Variants in SPOCK3 observed in about 807,000 individuals in gnomAD.
SPOCK3 encodes the protein testican-3.
SPOCK3 carries 30 observed loss-of-function variants against 56.6 expected under a neutral mutation model. The observed-to-expected ratio is 0.53, with a 90% CI of 0.40 to 0.72. The LOEUF (loss-of-function observed/expected upper bound fraction) is 0.72. Among genes scored for constraint, SPOCK3 ranks in the 30% least tolerant of loss-of-function variants. SPOCK3 has a pLI of 0.00. For missense variants in SPOCK3, 527 were observed against 530.0 expected, an observed-to-expected ratio of 0.99 and a Z score of 0.06; for synonymous variants, 196 against 183.3, an observed-to-expected ratio of 1.07 and a Z score of -0.56.
At position 166,983,339 on chromosome 4, in the gene SPOCK3, C is replaced by G. The variant is rs375062205; in HGVS notation, c.350+17010G>C. 9.9e-5 allele frequency among the ~76,000 whole-genome samples: 15 copies of G among 152,104 alleles called. No individual in the cohort carries two copies. In the South Asian group the frequency reaches 3.1e-3, roughly 32 times the overall value. ...AAATGAATATTATCTTCACTCCTCC[C>G]AATCTTTTCAGACTTTAATAGTCAC... On this transcript the variant is annotated intron_variant, in intron 4 of 10. Transcript: ENST00000357545.
chr4:167,142,468 A>C lies in SPOCK3; in HGVS notation c.190-79931T>G, dbSNP rs548966526. On this transcript the variant is annotated intron_variant, in intron 2 of 10. Coordinates refer to ENST00000357545, the MANE Select transcript of SPOCK3 (RefSeq NM_001040159.2). ...CGAGAAAAAAAAATCCATCAATATAAATAAGCAAATGAAATATAATATACT... is the reference window on the plus strand; with the variant it reads ...CGAGAAAAAAAAATCCATCAATATACATAAGCAAATGAAATATAATATACT... 2.6e-3 allele frequency among the ~76,000 whole-genome samples: 395 copies of C among 152,124 alleles called. 3 individuals are homozygous for C. Among genetic ancestry groups the C allele is most frequent in the Non-Finnish European group, 1.6e-3 (106 of 67,956 alleles).
At chr4:166,919,812 C>T (rs115444815) in intron 4 of SPOCK3, among the ~76,000 whole-genome samples, 1,691 of 152,228 alleles carry the variant, frequency 0.011, 30 homozygotes, top group African/African-American at 0.038. Flanking sequence ...TTAATTACCT[C>T]ATTAAAAGCT....
At chr4:166,885,927 A>C (rs1218730894) in intron 6 of SPOCK3, among the ~76,000 whole-genome samples, 2 of 152,168 alleles carry the variant, frequency 1.3e-5, no homozygotes, top group Non-Finnish European at 2.9e-5. Flanking sequence ...TAGATGTGTC[A>C]TATGTCTAAA....
chr4:166,812,320 C>G (rs1743919078), intron 6 of SPOCK3, among the ~76,000 whole-genome samples: 3 of 151,778 alleles, frequency 2.0e-5, no homozygotes, highest in Admixed American at 6.6e-5. Context: ...AATATTCTAA[C>G]AAATGCTGTT....
chr4:167,098,992 A>G (rs1469296637), intron 2 of SPOCK3, among the ~76,000 whole-genome samples: 1 of 151,942 alleles, frequency 6.6e-6, no homozygotes, highest in Non-Finnish European at 1.5e-5. Context: ...GAATTTATGC[A>G]CCTAGAAGGA....
At chr4:166,925,241 G>C (rs1192063018) in intron 4 of SPOCK3, among the ~76,000 whole-genome samples, 1 of 151,982 alleles carries the variant, frequency 6.6e-6, no homozygotes, top group African/African-American at 2.4e-5. Context: ...TTACATTTTT[G>C]ATTATTTACC....
intron 2 of SPOCK3, among the ~76,000 whole-genome samples, chr4:167,177,114 C>T (rs368597505): frequency 8.5e-5 from 13 of 152,074 alleles, no homozygotes; most frequent in East Asian, 1.9e-4. Flanking sequence ...AATTATTTGA[C>T]GAGGAACTAG....
chr4:167,003,402 CT>C (rs1749143606), intron 3 of SPOCK3, among the ~76,000 whole-genome samples: 1 of 152,146 alleles, frequency 6.6e-6, no homozygotes, highest in African/African-American at 2.4e-5. Context: ...TTTAGTAGAA[CT>C]CACATTGTTG....
chr4:166,735,254 A>G (rs1734106983), intron 10 of SPOCK3, among the ~76,000 whole-genome samples, 164 bp from the exon 11 acceptor site: 1 of 152,074 alleles, frequency 6.6e-6, no homozygotes, highest in South Asian at 2.1e-4. Flanking sequence ...AAATTATCAC[A>G]TGTTAAAAAT....
At chr4:166,903,146 A>G (rs1421208746) in intron 5 of SPOCK3, among the ~76,000 whole-genome samples, 1 of 147,512 alleles carries the variant, frequency 6.8e-6, no homozygotes, top group Non-Finnish European at 1.5e-5. Flanking sequence ...TAAATAATTT[A>G]TAATTTAATT....
intron 4 of SPOCK3, among the ~76,000 whole-genome samples, chr4:166,957,774 T>C (rs572159022): frequency 5.9e-5 from 9 of 152,328 alleles, no homozygotes; most frequent in African/African-American, 2.2e-4. Context: ...CTCTCTTTTT[T>C]GGCCAATTTC....
intron 2 of SPOCK3, among the ~76,000 whole-genome samples, chr4:167,157,608 AG>A (rs1471058187): frequency 4.8e-5 from 7 of 146,930 alleles, no homozygotes; most frequent in South Asian, 2.2e-4. Flanking sequence ...CAGATAGGAA[AG>A]GTTTTTTTTA....
In SPOCK3 at chr4:166,860,802, C is replaced by CATATATATATATATAT; in HGVS notation, c.589+28327_589+28328insATATATATATATATAT. On this transcript the variant is annotated intron_variant, in intron 6 of 10. Transcript: ENST00000357545. ...ACACGTGTACATGCACACACAAATT[C>CATATATATATATATAT]ATATATATATATATGTATATATATA... is the stretch of plus-strand genomic sequence containing the variant. 2.3e-3 allele frequency among the ~76,000 whole-genome samples: 232 copies of CATATATATATATATAT among 101,906 alleles called. 8 individuals carry two copies. The highest frequency in any genetic ancestry group is 4.6e-3 in the Middle Eastern group (1 of 218). 66.9% of individuals were successfully genotyped at this position (101,906 alleles called of 152,430 possible).
At chr4:167,162,298 A>G (rs950718578) in intron 2 of SPOCK3, among the ~76,000 whole-genome samples, 38 of 152,176 alleles carry the variant, frequency 2.5e-4, no homozygotes, top group African/African-American at 8.9e-4. Flanking sequence ...TGCCTTTGTT[A>G]TAGGAGACTT....
chr4:167,164,462 T>A (rs1217122415), intron 2 of SPOCK3, among the ~76,000 whole-genome samples: 1 of 152,110 alleles, frequency 6.6e-6, no homozygotes, highest in South Asian at 2.1e-4. Flanking sequence ...TCAGGATACA[T>A]GTGCAGAATG....
chr4:166,766,383 A>C (rs541296461), intron 7 of SPOCK3, among the ~76,000 whole-genome samples: 8 of 152,304 alleles, frequency 5.3e-5, no homozygotes, highest in African/African-American at 1.9e-4. Flanking sequence ...ATTTATTGAG[A>C]GTTTTTAGCA....
At chr4:166,941,080 A>C (rs1041852019) in intron 4 of SPOCK3, among the ~76,000 whole-genome samples, 6 of 152,084 alleles carry the variant, frequency 3.9e-5, no homozygotes, top group Non-Finnish European at 8.8e-5. Context: ...GAAGTCAAGA[A>C]CCAAGGTGTC....
intron 5 of SPOCK3, among the ~76,000 whole-genome samples, chr4:166,899,999 C>T (rs1579583392): frequency 6.6e-6 from 1 of 152,266 alleles, no homozygotes; most frequent in South Asian, 2.1e-4. Context: ...TCCTTTACAA[C>T]TCAACTAAAC....
intron 7 of SPOCK3, among the ~76,000 whole-genome samples, chr4:166,777,305 TCCCA>T (rs1359747140): frequency 1.3e-5 from 2 of 152,296 alleles, no homozygotes; most frequent in East Asian, 3.9e-4. Context: ...TTGTAAACAT[TCCCA>T]AGTTAGGTAA....
Sources: allele counts gnomAD v4.1 joint callset (sites outside exome capture counted in the v4.1 genomes callset), GRCh38; gene constraint gnomAD v4.1.1; transcripts MANE v1.5; gene names NCBI Gene and HGNC (gene_info 2026-07-23, HGNC 2026-07-21).